CAPN2: variants seen among roughly 807,000 people sequenced by gnomAD.
The protein encoded by CAPN2 is calpain-2 catalytic subunit.
In CAPN2, 92 loss-of-function variants were observed where a neutral mutation model predicts 102.3. That is an observed-to-expected ratio of 0.90 (90% confidence interval 0.76 to 1.07). CAPN2 has a LOEUF of 1.07. Among genes scored for constraint, CAPN2 ranks in the 50% least tolerant of loss-of-function variants. The probability of loss-of-function intolerance (pLI) is 0.00; values close to 1 mark genes in which losing one functional copy is unlikely to be tolerated. For synonymous variants in CAPN2, 340 were observed against 355.4 expected, an observed-to-expected ratio of 0.96 and a Z score of 0.49; for missense variants, 800 against 909.4, an observed-to-expected ratio of 0.88 and a Z score of 1.55.
At chr1:223,757,466 C>A in intron 11 of CAPN2, 86 bp downstream of exon 11, 1 of 1,460,836 alleles carries the variant, frequency 6.8e-7, no homozygotes, top group Non-Finnish European at 9.6e-7. Flanking sequence ...CGTCGTGAAG[C>A]CCGGGCAGGG....
intron 13 of CAPN2, 73 bp downstream of exon 13, chr1:223,761,690 A>T: frequency 3.1e-6 from 4 of 1,294,070 alleles, no homozygotes; most frequent in South Asian, 1.3e-5. Context: ...AAAAAACTCC[A>T]AGAGTTTTTG....
upstream of CAPN2, among the ~76,000 whole-genome samples, chr1:223,709,398 C>T (rs1410825519): frequency 6.6e-6 from 1 of 152,156 alleles, no homozygotes; most frequent in Non-Finnish European, 1.5e-5. Flanking sequence ...CAGTGGCTCA[C>T]ACCTGTAATC....
upstream of CAPN2, among the ~76,000 whole-genome samples, chr1:223,708,381 G>A (rs552653070): frequency 6.0e-5 from 9 of 149,466 alleles, no homozygotes; most frequent in South Asian, 4.3e-4. Flanking sequence ...CCAAGATCGC[G>A]CCATTGCACT....
upstream of CAPN2, among the ~76,000 whole-genome samples, chr1:223,711,529 A>C (rs968219620): frequency 6.6e-6 from 1 of 152,272 alleles, no homozygotes; most frequent in Non-Finnish European, 1.5e-5. Flanking sequence ...TGGGCCCTAC[A>C]TATACTTTAA....
intron 2 of CAPN2, among the ~76,000 whole-genome samples, chr1:223,732,653 G>C (rs1660363697): frequency 6.6e-6 from 1 of 152,204 alleles, no homozygotes; most frequent in South Asian, 2.1e-4. Flanking sequence ...CTGTGACTTA[G>C]AATGCCTTAA....
At position 223,742,183 on chromosome 1, in the gene CAPN2, G is replaced by A. The variant is rs369540608; in HGVS notation, c.308-1917G>A. 2.0e-4 allele frequency among the ~76,000 whole-genome samples: 30 copies of A among 152,172 alleles called. No homozygotes were observed. The East Asian group carries it at 4.1e-3, about 21-fold the overall frequency. ...GAGGCAGGCGATCACCTGAGGTCAGGAGTTAAAGATCAGCCTGGCCAACAT... is the reference window on the plus strand; with the variant it reads ...GAGGCAGGCGATCACCTGAGGTCAGAAGTTAAAGATCAGCCTGGCCAACAT... On this transcript the variant is annotated intron_variant, in intron 2 of 20. Coordinates refer to ENST00000295006, the MANE Select transcript of CAPN2 (RefSeq NM_001748.5).
At chr1:223,765,324 C>T (rs543905805) in intron 15 of CAPN2, among the ~76,000 whole-genome samples, 3 of 152,284 alleles carry the variant, frequency 2.0e-5, no homozygotes, top group South Asian at 2.1e-4. Context: ...AGTCAGGTTA[C>T]GGTCAGTCCA....
At chr1:223,743,508 A>G (rs1660676571) in intron 2 of CAPN2, among the ~76,000 whole-genome samples, 1 of 152,058 alleles carries the variant, frequency 6.6e-6, no homozygotes, top group Non-Finnish European at 1.5e-5. Context: ...TTATTTATTT[A>G]GAGATGAGGG....
At chr1:223,741,113 C>T (rs1660598297) in intron 2 of CAPN2, among the ~76,000 whole-genome samples, 1 of 152,068 alleles carries the variant, frequency 6.6e-6, no homozygotes, top group South Asian at 2.1e-4. Context: ...GCTTTTAGCT[C>T]GGGGCCTGGC....
intron 2 of CAPN2, among the ~76,000 whole-genome samples, chr1:223,720,233 G>A (rs529634635): frequency 1.3e-5 from 2 of 151,984 alleles, no homozygotes; most frequent in Middle Eastern, 3.4e-3. Flanking sequence ...AGCCATTCCC[G>A]GGTTTCTAAC....
intron 20 of CAPN2, among the ~76,000 whole-genome samples, chr1:223,774,207 G>A (rs28370173): frequency 1.2e-4 from 17 of 142,342 alleles, no homozygotes; most frequent in African/African-American, 3.8e-4. Flanking sequence ...CACTCCCTCC[G>A]CATCTCCTCC....
chr1:223,738,902 G>A (rs550911255), intron 2 of CAPN2, among the ~76,000 whole-genome samples: 1 of 152,328 alleles, frequency 6.6e-6, no homozygotes, highest in East Asian at 1.9e-4. Context: ...CTCAGAGAAG[G>A]AGCCAGGGAA....
At chr1:223,749,727 T>A (rs1408503412) in intron 6 of CAPN2, among the ~76,000 whole-genome samples, 2 of 152,082 alleles carry the variant, frequency 1.3e-5, no homozygotes, top group African/African-American at 4.8e-5. Flanking sequence ...TTATTGAAAA[T>A]ATTATGGGCT....
At chr1:223,766,635 C>G (rs1052923074) in intron 16 of CAPN2, among the ~76,000 whole-genome samples, 2 of 151,888 alleles carry the variant, frequency 1.3e-5, no homozygotes, top group East Asian at 3.9e-4. Flanking sequence ...AATGCTACAC[C>G]CCCCCTCCCA....
At position 223,743,713 on chromosome 1, in the gene CAPN2, C is replaced by T. The variant is rs1327074104; in HGVS notation, c.308-387C>T. Among the ~76,000 whole-genome samples the T allele has an allele frequency of 2.6e-5, 4 of 152,274 alleles. No individual in the cohort carries two copies. In the South Asian group the frequency reaches 6.2e-4, roughly 24 times the overall value. On this transcript the variant is annotated intron_variant, in intron 2 of 20. Transcript: ENST00000295006. The stretch of plus-strand genomic sequence containing the variant: ...GTGTGCTCAGAAGCCTCTGCAGCTG[C>T]GCTGGTTTCATTCTCTCACTGTGGA...
intron 4 of CAPN2, among the ~76,000 whole-genome samples, chr1:223,745,744 A>G (rs1323653722): frequency 6.6e-6 from 1 of 152,256 alleles, no homozygotes; most frequent in East Asian, 1.9e-4. Flanking sequence ...GCTGCACTGT[A>G]CGCTGATAAA....
At chr1:223,740,750 G>A (rs1660592104) in intron 2 of CAPN2, among the ~76,000 whole-genome samples, 1 of 152,176 alleles carries the variant, frequency 6.6e-6, no homozygotes, top group Non-Finnish European at 1.5e-5. Flanking sequence ...AATAAATTTT[G>A]CTTCTAAGAG....
intron 2 of CAPN2, among the ~76,000 whole-genome samples, chr1:223,742,403 A>C (rs1020572341): frequency 6.6e-6 from 1 of 151,704 alleles, no homozygotes; most frequent in Non-Finnish European, 1.5e-5. Context: ...AAAACAAAAC[A>C]AAACCAAAGA....
At position 223,719,831 on chromosome 1, in the gene CAPN2, T is replaced by TGTGTGTGCGC. The variant is rs1491465648; in HGVS notation, c.307+2001_307+2002insTGTGTGCGCG. Among the ~76,000 whole-genome samples, 7 of 96,790 alleles carry TGTGTGTGCGC rather than the reference T, an allele frequency of 7.2e-5. No homozygotes were observed. In the South Asian group the frequency reaches 1.1e-3, roughly 15 times the overall value. 63.5% of individuals were successfully genotyped at this position (96,790 alleles called of 152,430 possible). On this transcript the variant is annotated intron_variant, in intron 2 of 20. Transcript: ENST00000295006. ...GTGTGTGTGTGTGTGTGTGTGTGTG[T>TGTGTGTGCGC]GCGCGCGCGCGCGTATAATGCAGTA...
Sources: gnomAD v4.1 joint callset for allele counts (sites outside exome capture counted in the v4.1 genomes callset) on GRCh38, gnomAD v4.1.1 for gene constraint, MANE v1.5 for transcripts, NCBI Gene and HGNC (gene_info 2026-07-23, HGNC 2026-07-21) for gene names.